Variants in GFOD2 observed in about 807,000 individuals in gnomAD.
GFOD2 encodes the protein glucose-fructose oxidoreductase domain-containing protein 2.
GFOD2 carries 9 observed loss-of-function variants against 24.6 expected under a neutral mutation model. That is an observed-to-expected ratio of 0.37 (90% CI 0.22 to 0.64). The LOEUF (loss-of-function observed/expected upper bound fraction) is 0.64. Ranked by LOEUF, GFOD2 falls within the 30% of genes least tolerant of loss-of-function variation. The probability of loss-of-function intolerance (pLI) is 0.65; values close to 1 mark genes in which losing one functional copy is unlikely to be tolerated. For missense variants in GFOD2, 476 were observed against 532.5 expected (o/e 0.89, Z 1.04); for synonymous variants, 211 against 224.8 (o/e 0.94, Z 0.55).
intron 2 of GFOD2, 165 bp from the exon 3 acceptor site, chr16:67,676,218 AAT>A: frequency 1.5e-6 from 1 of 666,418 alleles, no homozygotes; most frequent in Non-Finnish European, 2.5e-6. Flanking sequence ...GGCTAGTCTC[AAT>A]CTCCTGGCCT....
chr16:67,676,185 G>C, intron 2 of GFOD2, 132 bp from the exon 3 acceptor site: 1 of 862,128 alleles, frequency 1.2e-6, no homozygotes, highest in Non-Finnish European at 1.7e-6. Flanking sequence ...TTTTGTAGAG[G>C]TGGGGTCTTG....
At chr16:67,681,402 CTTCTT>C in intron 2 of GFOD2, 1 of 985,202 alleles carries the variant, frequency 1.0e-6, no homozygotes, top group Non-Finnish European at 1.2e-6. Context: ...AAAGACCTCT[CTTCTT>C]GAATCTGAAA....
chr16:67,712,296 C>G (rs867083701), intron 1 of GFOD2, among the ~76,000 whole-genome samples: 10 of 103,138 alleles, frequency 9.7e-5, no homozygotes, highest in African/African-American at 4.0e-4. Context: ...CCTCCCCCTC[C>G]CCCTCTCCCT....
intron 1 of GFOD2, among the ~76,000 whole-genome samples, chr16:67,691,296 C>T (rs1278313544): frequency 6.6e-6 from 1 of 152,166 alleles, no homozygotes; most frequent in East Asian, 1.9e-4. Flanking sequence ...CAGCCTCAAC[C>T]TCACAGGCTC....
intron 2 of GFOD2, chr16:67,681,767 C>T (rs2053226852): frequency 1.0e-6 from 1 of 985,274 alleles, no homozygotes; most frequent in African/African-American, 1.7e-5. Flanking sequence ...ACTGCAAGGA[C>T]ATCTTGACTT....
At chr16:67,707,689 T>C (rs755580942) in intron 1 of GFOD2, among the ~76,000 whole-genome samples, 6 of 152,168 alleles carry the variant, frequency 3.9e-5, no homozygotes, top group Non-Finnish European at 7.4e-5. Context: ...GAATTAACTA[T>C]TAATGAATTT....
At chr16:67,699,959 T>G (rs2053389825) in intron 1 of GFOD2, among the ~76,000 whole-genome samples, 1 of 151,834 alleles carries the variant, frequency 6.6e-6, no homozygotes, top group Non-Finnish European at 1.5e-5. Context: ...CACACACCTG[T>G]GGCTACTCAG....
chr16:67,681,003 GGA>G, intron 2 of GFOD2: 1 of 985,440 alleles, frequency 1.0e-6, no homozygotes, highest in Non-Finnish European at 1.2e-6. Context: ...GGCCCGGCAG[GGA>G]GAGTAGCCCC....
At chr16:67,692,026 G>GT (rs1164570519) in intron 1 of GFOD2, among the ~76,000 whole-genome samples, 1 of 152,028 alleles carries the variant, frequency 6.6e-6, no homozygotes, top group Non-Finnish European at 1.5e-5. Context: ...GTGTGTGTGT[G>GT]TATGTGTGTT....
chr16:67,679,643 C>T (rs2053209480), intron 2 of GFOD2, among the ~76,000 whole-genome samples: 1 of 151,774 alleles, frequency 6.6e-6, no homozygotes, highest in Admixed American at 6.6e-5. Context: ...AATCCCAGCA[C>T]TTTGGGAGGC....
At chr16:67,699,735 C>A (rs1276825255) in intron 1 of GFOD2, among the ~76,000 whole-genome samples, 1 of 151,912 alleles carries the variant, frequency 6.6e-6, no homozygotes, top group East Asian at 2.0e-4. Flanking sequence ...CCACCAGCCT[C>A]AGCCTCCCAA....
chr16:67,675,975 T>C lies in GFOD2; in HGVS notation c.338A>G (p.Tyr113Cys), dbSNP rs1457840575. ...AFRMVTASRY[Y>C]PQLMSLVGNV... ...CCCTACCAGGCTCATGAGCTGCGGG[T>C]AGTAGCGCGAGGCTGTCACCATCCG... The change falls in exon 3 of 3, where the codon TAC becomes TGC. Residue 113 changes from tyrosine (Y) to cysteine (C), a missense_variant. Coordinates refer to ENST00000268797, the MANE Select transcript of GFOD2 (RefSeq NM_030819.4). 1.2e-6 allele frequency: 2 copies of C among 1,613,978 alleles called. No homozygotes were observed. Among genetic ancestry groups the C allele is most frequent in the Non-Finnish European group, 1.7e-6 (2 of 1,180,020 alleles).
At chr16:67,696,043 T>A (rs1308452629) in intron 1 of GFOD2, among the ~76,000 whole-genome samples, 1 of 150,836 alleles carries the variant, frequency 6.6e-6, no homozygotes, top group Non-Finnish European at 1.5e-5. Flanking sequence ...CGAGTTTCGC[T>A]CTTTTTGCCC....
chr16:67,705,346 TA>T (rs2053431618), intron 1 of GFOD2, among the ~76,000 whole-genome samples: 1 of 152,144 alleles, frequency 6.6e-6, no homozygotes. Context: ...TAGCTGAGAT[TA>T]CAGGCATGTG....
intron 2 of GFOD2, chr16:67,684,904 A>T: frequency 1.0e-6 from 1 of 994,450 alleles, no homozygotes; most frequent in South Asian, 4.5e-5. Flanking sequence ...GGGAGTGGAG[A>T]TGTCATGTAA....
At chr16:67,687,640 C>CAAAAAAAA (rs11302803) in intron 1 of GFOD2, among the ~76,000 whole-genome samples, 33 of 48,060 alleles carry the variant, frequency 6.9e-4, no homozygotes, top group Non-Finnish European at 8.3e-4. Flanking sequence ...GACTCCGTCT[C>CAAAAAAAA]AAAAAAAAAA....
intron 1 of GFOD2, among the ~76,000 whole-genome samples, chr16:67,716,542 A>G (rs2142998182): frequency 6.6e-6 from 1 of 152,286 alleles, no homozygotes; most frequent in South Asian, 2.1e-4. Context: ...ATTTGTGCCC[A>G]CGTTCAAAAC....
chr16:67,675,977 G>A lies in GFOD2; in HGVS notation c.336C>T (p.Tyr112=), dbSNP rs144593745. 2.5e-6 allele frequency: 4 copies of A among 1,614,228 alleles called. No homozygotes were observed. Among genetic ancestry groups the A allele is most frequent in the Admixed American group, 1.7e-5 (1 of 60,030 alleles). ...CTACCAGGCTCATGAGCTGCGGGTA[G>A]TAGCGCGAGGCTGTCACCATCCGGA... ...DAFRMVTASR[Y]YPQLMSLVGN... Residue 112 remains tyrosine (Y), a synonymous_variant, in exon 3 of 3, where the codon TAC becomes TAT. Coordinates refer to ENST00000268797, the MANE Select transcript of GFOD2 (RefSeq NM_030819.4).
chr16:67,718,110 C>CA, intron 1 of GFOD2, among the ~76,000 whole-genome samples: 1 of 152,340 alleles, frequency 6.6e-6, no homozygotes, highest in South Asian at 2.1e-4. Context: ...TTCCCCGACT[C>CA]AAAAACAACC....
Sources: gnomAD v4.1 joint callset for allele counts (sites outside exome capture counted in the v4.1 genomes callset) on GRCh38, gnomAD v4.1.1 for gene constraint, MANE v1.5 for transcripts, NCBI Gene and HGNC (gene_info 2026-07-23, HGNC 2026-07-21) for gene names.